Variants in GLI3 observed in about 807,000 individuals in gnomAD.
GLI3 encodes the protein transcription activator GLI3.
GLI3 carries 20 observed loss-of-function variants against 100.8 expected under a neutral mutation model. The observed-to-expected ratio is 0.20, with a 90% CI of 0.14 to 0.29. The LOEUF (loss-of-function observed/expected upper bound fraction) is 0.29. GLI3 is among the 10% of genes least tolerant of loss of function. The pLI, the probability that GLI3 is intolerant of heterozygous loss-of-function variation, is 1.00. For synonymous variants in GLI3, 938 were observed against 860.5 expected (o/e 1.09, Z -1.58); for missense variants, 2,040 against 2,128.5 (o/e 0.96, Z 0.82).
chr7:42,243,830 TTTG>T (rs967398421), intron 1 of GLI3, among the ~76,000 whole-genome samples: 24 of 152,128 alleles, frequency 1.6e-4, no homozygotes, highest in East Asian at 3.9e-4. Context: ...GACTCATTCT[TTTG>T]TTGTTGTTGT....
chr7:42,023,987 T>C (rs951521644), intron 9 of GLI3, among the ~76,000 whole-genome samples: 3 of 152,244 alleles, frequency 2.0e-5, no homozygotes, highest in Non-Finnish European at 2.9e-5. Context: ...ATCAGGTCTT[T>C]ACCCAAAAGA....
rs73311754 is a variant in GLI3 at position 42,251,893 on chromosome 7, G to A, written c.-43+12101C>T. Among the ~76,000 whole-genome samples the A allele has an allele frequency of 5.3e-3, 806 of 152,086 alleles. 7 individuals are homozygous for A. Among genetic ancestry groups the A allele is most frequent in the African/African-American group, 0.018 (764 of 41,434 alleles). ...CAGAAGTAATGGCAAGTTATCTAGT[G>A]TGATCGAGTGGAACCACACTCATGA... On this transcript the variant is annotated intron_variant, in intron 1 of 2. Transcript: ENST00000678978.
chr7:42,064,698 G>A (rs556087369), intron 4 of GLI3, among the ~76,000 whole-genome samples: 5 of 152,230 alleles, frequency 3.3e-5, no homozygotes, highest in Non-Finnish European at 7.4e-5. Context: ...GCTGTGTTAC[G>A]CAGGAAGTAT....
chr7:42,198,613 G>A (rs1787976642), intron 2 of GLI3, among the ~76,000 whole-genome samples: 2 of 152,148 alleles, frequency 1.3e-5, no homozygotes, highest in Non-Finnish European at 2.9e-5. Flanking sequence ...CCTGGAATCA[G>A]GGCCTTCTAG....
chr7:42,049,378 C>T (rs1387377588), intron 4 of GLI3, among the ~76,000 whole-genome samples: 1 of 152,166 alleles, frequency 6.6e-6, no homozygotes, highest in Non-Finnish European at 1.5e-5. Flanking sequence ...GCTTGGAAGG[C>T]AACTCCTCCC....
At chr7:42,170,396 T>TG (rs1787344845) in intron 2 of GLI3, among the ~76,000 whole-genome samples, 1 of 128,574 alleles carries the variant, frequency 7.8e-6, no homozygotes, top group Non-Finnish European at 1.6e-5. Context: ...AACTTACTGA[T>TG]CTTTTTTTTT....
chr7:42,039,861 C>T (rs369277412), intron 7 of GLI3, among the ~76,000 whole-genome samples, 177 bp downstream of exon 7: 96 of 152,298 alleles, frequency 6.3e-4, no homozygotes, highest in Middle Eastern at 3.4e-3. Flanking sequence ...ATCTGGGGCC[C>T]AATAACTGGT....
chr7:42,245,950 A>T (rs1788966670), intron 1 of GLI3, among the ~76,000 whole-genome samples: 1 of 152,034 alleles, frequency 6.6e-6, no homozygotes, highest in Non-Finnish European at 1.5e-5. Context: ...ACCATAAGGA[A>T]ATGAAGCTAA....
At chr7:41,977,806 A>C (rs1787549310) in intron 11 of GLI3, 84 bp from the exon 12 acceptor site, 1 of 1,259,658 alleles carries the variant, frequency 7.9e-7, no homozygotes, top group Non-Finnish European at 1.2e-6. Context: ...TTGATGAAAA[A>C]CTGATGTTTC....
chr7:42,125,255 C>G (rs1231636573), intron 3 of GLI3, among the ~76,000 whole-genome samples: 1 of 152,140 alleles, frequency 6.6e-6, no homozygotes, highest in Non-Finnish European at 1.5e-5. Flanking sequence ...CAGGTGGCGC[C>G]AAGGTCCCTG....
intron 3 of GLI3, among the ~76,000 whole-genome samples, chr7:42,120,726 C>T (rs1346958390): frequency 6.6e-6 from 1 of 152,190 alleles, no homozygotes; most frequent in Non-Finnish European, 1.5e-5. Flanking sequence ...CTGCCTCTTA[C>T]TTAACTTGGA....
intron 4 of GLI3, among the ~76,000 whole-genome samples, chr7:42,071,917 A>G (rs965493196): frequency 6.6e-6 from 1 of 152,154 alleles, no homozygotes; most frequent in African/African-American, 2.4e-5. Flanking sequence ...AGCTCTCCTT[A>G]CTTAGGTGGA....
At chr7:42,218,844 C>A (rs1260412367) in intron 2 of GLI3, among the ~76,000 whole-genome samples, 1 of 152,076 alleles carries the variant, frequency 6.6e-6, no homozygotes, top group African/African-American at 2.4e-5. Flanking sequence ...TCATTAGTTT[C>A]TTTTTTAAAG....
rs550475108 is a variant in GLI3, at chr7:42,133,664, C to A, written c.367+14562G>T. 2.0e-5 allele frequency among the ~76,000 whole-genome samples: 3 copies of A among 148,414 alleles called. No homozygotes were observed. The East Asian group carries it at 5.9e-4, about 29-fold the overall frequency. On this transcript the variant is annotated intron_variant, in intron 3 of 14. Coordinates refer to ENST00000395925, the MANE Select transcript of GLI3 (RefSeq NM_000168.6). ...AGCAGAAAAAAAAAAAAAAACTGTG[C>A]CTTAGAGTCTTGCTCACCTGGTGGC...
intron 10 of GLI3, among the ~76,000 whole-genome samples, chr7:42,008,026 A>C (rs1788505261): frequency 6.6e-6 from 1 of 152,254 alleles, no homozygotes; most frequent in South Asian, 2.1e-4. Context: ...TCCCTACTTT[A>C]AACATAGGCA....
intron 10 of GLI3, among the ~76,000 whole-genome samples, chr7:42,003,658 CAA>C (rs1474958519): frequency 6.6e-6 from 1 of 151,992 alleles, no homozygotes; most frequent in South Asian, 2.1e-4. Flanking sequence ...AAATATGACC[CAA>C]GTCATAAAAA....
intron 7 of GLI3, among the ~76,000 whole-genome samples, chr7:42,033,876 C>T (rs887237683): frequency 2.6e-5 from 4 of 152,182 alleles, no homozygotes; most frequent in Admixed American, 6.5e-5. Flanking sequence ...TATTGGAAAC[C>T]CAGCCCAGCC....
chr7:42,062,336 A>T (rs528415814), intron 4 of GLI3, among the ~76,000 whole-genome samples: 1 of 152,310 alleles, frequency 6.6e-6, no homozygotes, highest in South Asian at 2.1e-4. Context: ...TCACTTGAGT[A>T]TCCTACAAAT....
chr7:42,014,925 CTA>C, intron 10 of GLI3, among the ~76,000 whole-genome samples: 1 of 152,318 alleles, frequency 6.6e-6, no homozygotes, highest in East Asian at 1.9e-4. Context: ...ATACTTATGA[CTA>C]TTTTTAAATG....
Sources: gnomAD v4.1 joint callset for allele counts (sites outside exome capture counted in the v4.1 genomes callset) on GRCh38, gnomAD v4.1.1 for gene constraint, MANE v1.5 for transcripts, NCBI Gene and HGNC (gene_info 2026-07-23, HGNC 2026-07-21) for gene names.